The following MBD2 variants were observed in gnomAD, a reference collection of about 807,000 sequenced individuals.
MBD2 encodes methyl-CpG binding domain protein 2, also known as methyl-CpG-binding domain protein 2.
MBD2 carries 9 observed loss-of-function variants against 39.3 expected under a neutral mutation model. That is an observed-to-expected ratio of 0.23 (90% CI 0.14 to 0.40). MBD2 has a LOEUF of 0.40. Among genes scored for constraint, MBD2 ranks in the 10% least tolerant of loss-of-function variants. MBD2 has a pLI of 1.00. For synonymous variants in MBD2, 233 were observed against 211.1 expected, an observed-to-expected ratio of 1.10 and a Z score of -0.90; for missense variants, 458 against 532.6, an observed-to-expected ratio of 0.86 and a Z score of 1.38.
At chr18:54,181,794 C>A (rs886289316) in intron 3 of MBD2, among the ~76,000 whole-genome samples, 1 of 152,200 alleles carries the variant, frequency 6.6e-6, no homozygotes. Flanking sequence ...CCACTGTGCC[C>A]GGCCATCAGT....
intron 3 of MBD2, among the ~76,000 whole-genome samples, chr18:54,167,673 T>A (rs2086144398): frequency 1.3e-5 from 2 of 152,194 alleles, no homozygotes; most frequent in South Asian, 4.1e-4. Context: ...GCTGAATTTG[T>A]AATAAGCACA....
At chr18:54,186,005 G>A (rs559570240) in intron 3 of MBD2, among the ~76,000 whole-genome samples, 1 of 151,998 alleles carries the variant, frequency 6.6e-6, no homozygotes, top group East Asian at 1.9e-4. Context: ...TTCAAATTAG[G>A]CTGCCATATA....
intron 2 of MBD2, 119 bp from the exon 3 acceptor site, chr18:54,189,130 C>T: frequency 1.6e-6 from 1 of 632,814 alleles, no homozygotes; most frequent in Non-Finnish European, 2.5e-6. Flanking sequence ...CAGTCTATCG[C>T]AGCATTTTAA....
chr18:54,173,916 A>G (rs2086194249), intron 3 of MBD2, among the ~76,000 whole-genome samples: 1 of 152,224 alleles, frequency 6.6e-6, no homozygotes, highest in Non-Finnish European at 1.5e-5. Context: ...TTTTTAGTCC[A>G]TCTAGTTTCA....
chr18:54,195,802 T>C (rs117561511), intron 2 of MBD2, among the ~76,000 whole-genome samples: 1,695 of 152,284 alleles, frequency 0.011, 19 homozygotes, highest in Middle Eastern at 0.044. Flanking sequence ...CAGTTATTTA[T>C]TTAACCTAAA....
intron 1 of MBD2, among the ~76,000 whole-genome samples, chr18:54,216,800 G>C (rs924587413): frequency 1.3e-5 from 2 of 152,122 alleles, no homozygotes; most frequent in Middle Eastern, 3.2e-3. Context: ...AGGCGCGGTG[G>C]CTCATGCCTG....
chr18:54,168,572 C>CATATATAT (rs56174434), intron 3 of MBD2, among the ~76,000 whole-genome samples: 2,830 of 114,762 alleles, frequency 0.025, 145 homozygotes, highest in Non-Finnish European at 0.035. Context: ...AATGGAGATA[C>CATATATAT]ATATATATAT....
At chr18:54,222,093 T>C (rs567774896) in intron 1 of MBD2, among the ~76,000 whole-genome samples, 65 of 152,330 alleles carry the variant, frequency 4.3e-4, no homozygotes, top group African/African-American at 3.4e-4. Context: ...TCAAATATAA[T>C]TGCCTACAAG....
At position 54,224,576 on chromosome 18, in the gene MBD2, C is replaced by T; in HGVS notation, c.-17G>A. The T allele has an allele frequency of 8.2e-7, 1 of 1,223,598 alleles. No homozygotes were observed. The highest frequency in any genetic ancestry group is 4.1e-5 in the South Asian group (1 of 24,326). 75.8% of individuals were successfully genotyped at this position (1,223,598 alleles called of 1,614,324 possible). A position where few individuals can be genotyped will look rare whatever the true frequency, so the allele number is the denominator to read the frequency against. Reference sequence around the variant, plus strand: ...CGCGCGCATCCAGCCCCCTCCCCAGCCGGCGCTGCGCTTCTTCCGTAACCG... The same window carrying T: ...CGCGCGCATCCAGCCCCCTCCCCAGTCGGCGCTGCGCTTCTTCCGTAACCG... On this transcript the variant is annotated 5_prime_UTR_variant, in exon 1 of 7. Transcript: ENST00000256429.
At position 54,151,766 on chromosome 18, in the gene MBD2, A is replaced by C. The variant is rs1218077573; in HGVS notation, c.*3558T>G. On this transcript the variant is annotated 3_prime_UTR_variant, in exon 7 of 7. Coordinates refer to ENST00000256429, the MANE Select transcript of MBD2 (RefSeq NM_003927.5). Reference sequence around the variant, plus strand: ...TATGAAGATCTATATTATTTTAAAAATCCAAACGAGTAATCTTATATTCAA... The same window carrying C: ...TATGAAGATCTATATTATTTTAAAACTCCAAACGAGTAATCTTATATTCAA... The C allele has an allele frequency of 6.6e-6, 1 of 151,694 alleles. No homozygotes were observed. Among genetic ancestry groups the C allele is most frequent in the Non-Finnish European group, 1.5e-5 (1 of 68,002 alleles). 9.4% of individuals were successfully genotyped at this position (151,694 alleles called of 1,614,324 possible). A position where few individuals can be genotyped will look rare whatever the true frequency, so the allele number is the denominator to read the frequency against.
At chr18:54,190,244 T>C (rs1053623099) in intron 2 of MBD2, among the ~76,000 whole-genome samples, 6 of 152,300 alleles carry the variant, frequency 3.9e-5, no homozygotes, top group African/African-American at 1.4e-4. Flanking sequence ...CATTTTGTTA[T>C]AACGATGAGA....
intron 2 of MBD2, among the ~76,000 whole-genome samples, chr18:54,197,349 C>T (rs1384091468): frequency 6.6e-6 from 1 of 152,214 alleles, no homozygotes; most frequent in African/African-American, 2.4e-5. Context: ...ACCAGGCTTG[C>T]CTACTTAAAC....
intron 1 of MBD2, among the ~76,000 whole-genome samples, chr18:54,213,237 G>A (rs531688962): frequency 4.6e-5 from 7 of 152,270 alleles, no homozygotes; most frequent in South Asian, 2.1e-4. Flanking sequence ...AGCAGGAGAC[G>A]AGCATTACAG....
intron 3 of MBD2, among the ~76,000 whole-genome samples, chr18:54,172,053 G>T (rs1392472792): frequency 5.9e-5 from 9 of 152,164 alleles, no homozygotes; most frequent in African/African-American, 2.2e-4. Flanking sequence ...TAAACTTTAA[G>T]AGAACTATCA....
intron 3 of MBD2, among the ~76,000 whole-genome samples, chr18:54,183,621 G>C (rs913135754): frequency 1.3e-5 from 2 of 152,178 alleles, no homozygotes; most frequent in Non-Finnish European, 2.9e-5. Context: ...GAAAAGAACA[G>C]TTTCAGTGAG....
At chr18:54,188,698 T>C (rs878911477) in intron 3 of MBD2, among the ~76,000 whole-genome samples, 176 bp downstream of exon 3, 1 of 152,234 alleles carries the variant, frequency 6.6e-6, no homozygotes, top group Admixed American at 6.5e-5. Flanking sequence ...AAATTTTTTC[T>C]TAAAAATATT....
intron 5 of MBD2, 47 bp downstream of exon 5, chr18:54,164,476 C>T: frequency 6.4e-7 from 1 of 1,553,168 alleles, no homozygotes; most frequent in Non-Finnish European, 8.8e-7. Flanking sequence ...AAAAATTTAC[C>T]CAAACGTAAA....
intron 3 of MBD2, among the ~76,000 whole-genome samples, chr18:54,180,548 C>T (rs1021730023): frequency 1.4e-4 from 22 of 151,920 alleles, no homozygotes; most frequent in African/African-American, 4.8e-4. Flanking sequence ...TATGTAGTCA[C>T]CTATCCTTGG....
At chr18:54,158,939 AT>A (rs2144274894) in intron 6 of MBD2, among the ~76,000 whole-genome samples, 1 of 152,254 alleles carries the variant, frequency 6.6e-6, no homozygotes, top group East Asian at 1.9e-4. Context: ...AAAAATGTGT[AT>A]TTTTTAAGGT....
Sources: gnomAD v4.1 joint callset for allele counts (sites outside exome capture counted in the v4.1 genomes callset) on GRCh38, gnomAD v4.1.1 for gene constraint, MANE v1.5 for transcripts, NCBI Gene and HGNC (gene_info 2026-07-23, HGNC 2026-07-21) for gene names.